SNTG1: variants seen among roughly 807,000 people sequenced by gnomAD.
The protein encoded by SNTG1 is gamma-1-syntrophin.
A neutral mutation model predicts 74.7 loss-of-function variants in SNTG1; 39 were observed. The observed-to-expected ratio is 0.52, with a 90% confidence interval of 0.40 to 0.68. SNTG1 has a LOEUF of 0.68. SNTG1 is among the 30% of genes least tolerant of loss of function. SNTG1 has a pLI of 0.00. For synonymous variants in SNTG1, 254 were observed against 217.1 expected (o/e 1.17, Z -1.49); for missense variants, 685 against 609.5 (o/e 1.12, Z -1.30).
At chr8:50,295,504 G>T (rs1446787944) in intron 2 of SNTG1, among the ~76,000 whole-genome samples, 1 of 151,986 alleles carries the variant, frequency 6.6e-6, no homozygotes. Flanking sequence ...TGAACATATT[G>T]CAGCTGCTTT....
chr8:50,211,424 T>C (rs1009691397), intron 2 of SNTG1, among the ~76,000 whole-genome samples: 2 of 152,110 alleles, frequency 1.3e-5, no homozygotes, highest in Non-Finnish European at 2.9e-5. Flanking sequence ...TTGACTAACA[T>C]TGTTTATGTA....
At chr8:50,176,425 G>C (rs1341185136) in intron 2 of SNTG1, among the ~76,000 whole-genome samples, 2 of 152,152 alleles carry the variant, frequency 1.3e-5, no homozygotes, top group East Asian at 3.9e-4. Context: ...ATTCAGCCCA[G>C]TACTGACTTC....
chr8:50,617,168 A>T (rs2094890438), intron 13 of SNTG1, among the ~76,000 whole-genome samples: 1 of 152,172 alleles, frequency 6.6e-6, no homozygotes, highest in South Asian at 2.1e-4. Context: ...AAACCACAGT[A>T]TACATCCATT....
rs190928300 is a variant in SNTG1 at position 50,583,626 on chromosome 8, C to T, written c.811-7253C>T. Among the ~76,000 whole-genome samples the T allele has an allele frequency of 7.3e-5, 11 of 151,644 alleles. No homozygotes were observed. In the East Asian group the frequency reaches 1.4e-3, roughly 19 times the overall value. ...ATCAAATGTTTCTTATGCAGTAATACGAATTTTCTTTTTTGCTGGAAGTCT... is the reference window on the plus strand; with the variant it reads ...ATCAAATGTTTCTTATGCAGTAATATGAATTTTCTTTTTTGCTGGAAGTCT... On this transcript the variant is annotated intron_variant, in intron 12 of 18. Coordinates refer to ENST00000642720, the MANE Select transcript of SNTG1 (RefSeq NM_018967.5).
chr8:50,247,208 A>G (rs936259390), intron 2 of SNTG1, among the ~76,000 whole-genome samples: 13 of 152,120 alleles, frequency 8.5e-5, no homozygotes, highest in Admixed American at 3.3e-4. Flanking sequence ...CATCATGAAC[A>G]TTGTCTCATC....
intron 1 of SNTG1, among the ~76,000 whole-genome samples, chr8:49,919,503 G>C (rs942473985): frequency 6.6e-6 from 1 of 151,964 alleles, no homozygotes; most frequent in South Asian, 2.1e-4. Flanking sequence ...TACTGCTGAG[G>C]GAATACTCAG....
intron 2 of SNTG1, among the ~76,000 whole-genome samples, chr8:50,301,654 T>C (rs1345896597): frequency 6.6e-6 from 1 of 152,106 alleles, no homozygotes; most frequent in Non-Finnish European, 1.5e-5. Context: ...TTTTATATAC[T>C]GTTTTATATA....
chr8:50,549,053 G>T (rs1229589562), intron 11 of SNTG1, among the ~76,000 whole-genome samples: 1 of 152,166 alleles, frequency 6.6e-6, no homozygotes, highest in East Asian at 1.9e-4. Flanking sequence ...TGGGGAGAAA[G>T]ACGCTGTTGC....
intron 1 of SNTG1, among the ~76,000 whole-genome samples, chr8:50,042,694 C>G (rs574463877): frequency 6.6e-6 from 1 of 151,990 alleles, no homozygotes; most frequent in Non-Finnish European, 1.5e-5. Context: ...GTAGCTGGGA[C>G]TACAGGCACA....
At chr8:50,485,452 G>A (rs1363567289) in intron 8 of SNTG1, among the ~76,000 whole-genome samples, 2 of 152,062 alleles carry the variant, frequency 1.3e-5, no homozygotes, top group Admixed American at 6.5e-5. Context: ...CACCAGCTTA[G>A]AAGTCTCTAG....
intron 2 of SNTG1, among the ~76,000 whole-genome samples, chr8:50,210,940 C>A (rs936772874): frequency 6.6e-6 from 1 of 152,084 alleles, no homozygotes; most frequent in African/African-American, 2.4e-5. Context: ...AGTCATGTAT[C>A]TTTCTAGATA....
intron 1 of SNTG1, among the ~76,000 whole-genome samples, chr8:50,086,959 A>T (rs190105348): frequency 6.6e-6 from 1 of 152,300 alleles, no homozygotes; most frequent in Non-Finnish European, 1.5e-5. Context: ...CTTTTTGAAG[A>T]TCAGCATGTA....
intron 12 of SNTG1, among the ~76,000 whole-genome samples, chr8:50,577,330 A>T (rs1441518504): frequency 6.6e-6 from 1 of 152,126 alleles, no homozygotes; most frequent in Admixed American, 6.5e-5. Flanking sequence ...AACCCACTTG[A>T]TAATTGTATA....
chr8:50,570,072 A>G (rs1056956714), intron 12 of SNTG1, among the ~76,000 whole-genome samples: 1 of 151,938 alleles, frequency 6.6e-6, no homozygotes, highest in Admixed American at 6.6e-5. Flanking sequence ...GTAGCTTGGA[A>G]CAGTACTCAC....
chr8:50,483,695 A>T (rs1199321416), intron 8 of SNTG1, among the ~76,000 whole-genome samples: 1 of 152,182 alleles, frequency 6.6e-6, no homozygotes, highest in Non-Finnish European at 1.5e-5. Context: ...TTTACTTCTT[A>T]GTTACATGTT....
At position 50,751,890 on chromosome 8, in the gene SNTG1, A is replaced by G. The variant is rs1033528302; in HGVS notation, c.1285-111A>G. 2.8e-5 allele frequency: 14 copies of G among 508,554 alleles called. 1 individual carries two copies. The South Asian group carries it at 5.3e-4, about 19-fold the overall frequency. The allele number at this position is 508,554 out of a possible 1,614,324, so 31.5% of individuals were successfully genotyped here. On this transcript the variant is annotated intron_variant, in intron 17 of 18. Transcript: ENST00000642720. ...AAATTTCATTTTAAAATATTGGGACATAGTACTAACTTTGTATGATTAACT... is the reference window on the plus strand; with the variant it reads ...AAATTTCATTTTAAAATATTGGGACGTAGTACTAACTTTGTATGATTAACT...
chr8:50,038,576 A>G (rs545292436), intron 1 of SNTG1, among the ~76,000 whole-genome samples: 1 of 152,272 alleles, frequency 6.6e-6, no homozygotes, highest in East Asian at 1.9e-4. Flanking sequence ...TTTTCTTTCC[A>G]TCAATGAATT....
At chr8:50,510,594 C>T (rs910465267) in intron 9 of SNTG1, among the ~76,000 whole-genome samples, 3 of 152,086 alleles carry the variant, frequency 2.0e-5, no homozygotes, top group Admixed American at 2.0e-4. Flanking sequence ...AATTTCAGAG[C>T]CTGTTTTTGG....
chr8:50,296,138 A>T (rs1179055636), intron 2 of SNTG1, among the ~76,000 whole-genome samples: 1 of 152,186 alleles, frequency 6.6e-6, no homozygotes, highest in Admixed American at 6.6e-5. Context: ...AATGAGAAAC[A>T]CTAGGTAATG....
Sources: allele counts gnomAD v4.1 joint callset (sites outside exome capture counted in the v4.1 genomes callset), GRCh38; gene constraint gnomAD v4.1.1; transcripts MANE v1.5; gene names NCBI Gene and HGNC (gene_info 2026-07-23, HGNC 2026-07-21).